The following ERC1 variants were observed in gnomAD, a reference collection of about 807,000 sequenced individuals.
ERC1 encodes RAB6 interacting protein 2.
ERC1 carries 56 observed loss-of-function variants against 132.0 expected under a neutral mutation model. That is an observed-to-expected ratio of 0.42 (90% CI 0.34 to 0.53). The LOEUF (loss-of-function observed/expected upper bound fraction) is 0.53, where lower values mean the gene tolerates loss of function less well. Among genes scored for constraint, ERC1 ranks in the 20% least tolerant of loss-of-function variants. ERC1 has a pLI of 0.03. For missense variants in ERC1, 1,202 were observed against 1,349.9 expected, an observed-to-expected ratio of 0.89 and a Z score of 1.72; for synonymous variants, 478 against 476.1, an observed-to-expected ratio of 1.00 and a Z score of -0.05.
In ERC1 at chr12:1,440,668, G is replaced by GTGTGTGTGTGTGTGTGTGTGTGTGT. The variant is rs2093123666; in HGVS notation, c.3025-3894_3025-3893insTGTGTGTGTGTGTGTGTGTGTGTGT. 2.8e-5 allele frequency among the ~76,000 whole-genome samples: 3 copies of GTGTGTGTGTGTGTGTGTGTGTGTGT among 106,366 alleles called. No homozygotes were observed. The Admixed American group carries it at 3.0e-4, about 11-fold the overall frequency. 69.8% of individuals were successfully genotyped at this position (106,366 alleles called of 152,430 possible). A position where few individuals can be genotyped will look rare whatever the true frequency, so the allele number is the denominator to read the frequency against. ...TGTGTGTGTGTGTGTGTGTGTGTGT[G>GTGTGTGTGTGTGTGTGTGTGTGTGT]ATGGAGTCTCACTCTGTCGCCCAGG... On this transcript the variant is annotated intron_variant, in intron 17 of 18. Transcript: ENST00000360905.
intron 14 of ERC1, among the ~76,000 whole-genome samples, 174 bp downstream of exon 14, chr12:1,263,339 G>T (rs1252369095): frequency 1.3e-5 from 2 of 152,190 alleles, no homozygotes; most frequent in Non-Finnish European, 2.9e-5. Context: ...CAAGGATGTG[G>T]TTTCTTTTGT....
In ERC1 at chr12:1,282,039, T is replaced by A. The variant is rs79173570; in HGVS notation, c.2620-7813T>A. ...AAGCCTTCTGAGTTGATTTTTTTTT[T>A]AAATAAAAGGAAAATTGAGATGGCT... On this transcript the variant is annotated intron_variant, in intron 14 of 18. Coordinates refer to ENST00000360905, the MANE Select transcript of ERC1 (RefSeq NM_178040.4). Among the ~76,000 whole-genome samples, 1,389 of 152,214 alleles carry A rather than the reference T, an allele frequency of 9.1e-3. 39 individuals are homozygous for A. Among genetic ancestry groups the A allele is most frequent in the East Asian group, 0.053 (273 of 5,172 alleles).
intron 6 of ERC1, among the ~76,000 whole-genome samples, chr12:1,115,273 A>G (rs1946326407): frequency 6.6e-6 from 1 of 152,238 alleles, no homozygotes; most frequent in Non-Finnish European, 1.5e-5. Flanking sequence ...TACACATAAC[A>G]TCAAATTATA....
intron 17 of ERC1, among the ~76,000 whole-genome samples, chr12:1,417,085 A>G (rs867432559): frequency 2.6e-5 from 4 of 152,056 alleles, no homozygotes; most frequent in African/African-American, 7.2e-5. Context: ...TGTTTCCTCT[A>G]TATGCTCAGA....
chr12:1,380,012 A>G (rs917554211), intron 16 of ERC1: 1 of 151,758 alleles, frequency 6.6e-6, no homozygotes, highest in Non-Finnish European at 1.5e-5. Context: ...ATGAACTACA[A>G]ATACACACAA....
At chr12:1,415,142 C>T (rs2092051970) in intron 17 of ERC1, among the ~76,000 whole-genome samples, 1 of 152,060 alleles carries the variant, frequency 6.6e-6, no homozygotes, top group Non-Finnish European at 1.5e-5. Flanking sequence ...TTTCATTTAC[C>T]AACTGAAAAT....
intron 2 of ERC1, among the ~76,000 whole-genome samples, chr12:1,080,099 T>G (rs1244946180): frequency 6.6e-6 from 1 of 152,368 alleles, no homozygotes; most frequent in African/African-American, 2.4e-5. Flanking sequence ...TGGAATTTTA[T>G]GACCAACATC....
intron 18 of ERC1, among the ~76,000 whole-genome samples, chr12:1,451,581 C>A (rs1336074621): frequency 6.6e-6 from 1 of 152,002 alleles, no homozygotes; most frequent in Non-Finnish European, 1.5e-5. Flanking sequence ...GCTATGATCA[C>A]GCCACTGCAC....
chr12:1,195,884 C>CG (rs1407571674), intron 12 of ERC1, among the ~76,000 whole-genome samples: 2 of 145,538 alleles, frequency 1.4e-5, no homozygotes, highest in East Asian at 4.4e-4. Context: ...CGCCCCCCCC[C>CG]CCCTTTTTTT....
chr12:1,411,792 T>C (rs564770586), intron 17 of ERC1, among the ~76,000 whole-genome samples: 1 of 152,288 alleles, frequency 6.6e-6, no homozygotes, highest in South Asian at 2.1e-4. Context: ...GCACCACATA[T>C]GTGGACATGA....
At chr12:1,412,918 C>G (rs933019760) in intron 17 of ERC1, among the ~76,000 whole-genome samples, 1 of 152,180 alleles carries the variant, frequency 6.6e-6, no homozygotes, top group South Asian at 2.1e-4. Context: ...CTAACATCAT[C>G]GTCTAATCCA....
intron 12 of ERC1, chr12:1,190,255 T>C (rs1340235915): frequency 2.8e-6 from 2 of 715,594 alleles, no homozygotes; most frequent in Non-Finnish European, 5.2e-6. Context: ...TGGGAATAAA[T>C]TGGGAAGCTA....
At chr12:1,030,720 A>G (rs920748106) in intron 2 of ERC1, among the ~76,000 whole-genome samples, 1 of 152,192 alleles carries the variant, frequency 6.6e-6, no homozygotes, top group African/African-American at 2.4e-5. Context: ...CCCTGTCTCT[A>G]AAAACAAAAC....
At chr12:1,380,217 A>G (rs1366717494) in intron 16 of ERC1, 1 of 151,964 alleles carries the variant, frequency 6.6e-6, no homozygotes, top group Non-Finnish European at 1.5e-5. Flanking sequence ...ATTCTCTTTC[A>G]CTCCTCTGCC....
At chr12:1,204,254 CAACT>C (rs1957161900) in intron 12 of ERC1, among the ~76,000 whole-genome samples, 1 of 135,554 alleles carries the variant, frequency 7.4e-6, no homozygotes, top group African/African-American at 2.7e-5. Context: ...AAATTTTAGA[CAACT>C]TTTTTTTTTT....
intron 8 of ERC1, among the ~76,000 whole-genome samples, chr12:1,178,562 A>G (rs1954003734): frequency 6.6e-6 from 1 of 152,186 alleles, no homozygotes; most frequent in Non-Finnish European, 1.5e-5. Flanking sequence ...ATTTATACAT[A>G]ATATATACAT....
intron 13 of ERC1, among the ~76,000 whole-genome samples, chr12:1,258,080 T>G (rs992215880): frequency 6.6e-6 from 1 of 152,208 alleles, no homozygotes; most frequent in African/African-American, 2.4e-5. Flanking sequence ...GAATATTTTC[T>G]TCTAAGCTAG....
chr12:1,464,105 A>T (rs2093695285), intron 18 of ERC1, among the ~76,000 whole-genome samples: 1 of 152,202 alleles, frequency 6.6e-6, no homozygotes, highest in Non-Finnish European at 1.5e-5. Flanking sequence ...AGTTGCAATG[A>T]CACAGATATT....
intron 3 of ERC1, among the ~76,000 whole-genome samples, chr12:1,101,686 T>C (rs1593297690): frequency 1.3e-5 from 2 of 152,182 alleles, no homozygotes; most frequent in Admixed American, 1.3e-4. Flanking sequence ...TTCCCACACA[T>C]GCTAAGGAAT....
Sources: gnomAD v4.1 joint callset for allele counts (sites outside exome capture counted in the v4.1 genomes callset) on GRCh38, gnomAD v4.1.1 for gene constraint, MANE v1.5 for transcripts, NCBI Gene and HGNC (gene_info 2026-07-23, HGNC 2026-07-21) for gene names.